The following CACNA1G variants were observed in gnomAD, a reference collection of about 807,000 sequenced individuals.
CACNA1G encodes calcium voltage-gated channel subunit alpha1 G.
In CACNA1G, 67 loss-of-function variants were observed where a neutral mutation model predicts 219.4. The ratio of observed to expected loss-of-function variants is 0.31; its 90% confidence interval spans 0.25 to 0.37. The LOEUF is 0.37. CACNA1G is among the 10% of genes least tolerant of loss of function. CACNA1G has a pLI of 1.00. For synonymous variants in CACNA1G, 1,296 were observed against 1,345.3 expected (o/e 0.96, Z 0.80); for missense variants, 2,380 against 3,231.4 (o/e 0.74, Z 6.39).
intron 26 of CACNA1G, among the ~76,000 whole-genome samples, chr17:50,611,784 G>A (rs1431054921): frequency 1.3e-5 from 2 of 152,126 alleles, no homozygotes; most frequent in African/African-American, 2.4e-5. Context: ...TCCACCTTGG[G>A]TGTTATCCCA....
At chr17:50,623,760 C>T (rs957773145) in intron 35 of CACNA1G, 147 bp from the exon 36 acceptor site, 41 of 766,332 alleles carry the variant, frequency 5.4e-5, no homozygotes, top group Non-Finnish European at 8.1e-5. Flanking sequence ...CCCAGCCATG[C>T]TCATGCCCAT....
In CACNA1G at chr17:50,626,932, C is replaced by G. The variant is rs537067312; in HGVS notation, c.*181C>G. ...TTCCAAAGAGAGTTAAAAGCAGCAG[C>G]CCCGGCAACTCTGGCTCCAGGCAGA... On this transcript the variant is annotated 3_prime_UTR_variant, in exon 38 of 38. Transcript: ENST00000359106. This position sits in a 1 kb window ranked among gnomAD's most constrained non-coding sequence, Gnocchi z 4.3. The G allele has an allele frequency of 2.4e-4, 195 of 805,632 alleles. 1 individual carries two copies. The highest frequency in any genetic ancestry group is 6.8e-4 in the Middle Eastern group (2 of 2,936). 49.9% of individuals were successfully genotyped at this position (805,632 alleles called of 1,614,324 possible).
chr17:50,577,559 A>G (rs2040969830), intron 8 of CACNA1G, among the ~76,000 whole-genome samples: 1 of 148,828 alleles, frequency 6.7e-6, no homozygotes, highest in African/African-American at 2.5e-5. Context: ...CATGTGCTTG[A>G]TGTGTGTAGG....
At position 50,627,418 on chromosome 17, in the gene CACNA1G, C is replaced by T. The variant is rs750631993; in HGVS notation, c.*667C>T. 2.3e-5 allele frequency: 8 copies of T among 355,236 alleles called. No homozygotes were observed. Among genetic ancestry groups the T allele is most frequent in the Admixed American group, 1.6e-4 (4 of 25,788 alleles). The allele number at this position is 355,236 out of a possible 1,614,324, so 22.0% of individuals were successfully genotyped here. On this transcript the variant is annotated 3_prime_UTR_variant, in exon 38 of 38. Coordinates refer to ENST00000359106, the MANE Select transcript of CACNA1G (RefSeq NM_018896.5). Reference sequence around the variant, plus strand: ...GAACCTTTTTATATATACATACATACATATCTATCTATCTATCTATATATA... The same window carrying T: ...GAACCTTTTTATATATACATACATATATATCTATCTATCTATCTATATATA...
chr17:50,571,972 C>T lies in CACNA1G; in HGVS notation c.681C>T (p.Ile227=), dbSNP rs779561120. The change falls in exon 5 of 38, where the codon ATC becomes ATT. Residue 227 remains isoleucine, a synonymous_variant. Coordinates refer to ENST00000359106, the MANE Select transcript of CACNA1G (RefSeq NM_018896.5). This position sits in a 1 kb window ranked among gnomAD's most constrained non-coding sequence, Gnocchi z 4.3. The part of the protein sequence containing the change: ...LCFFVFFIFG[I]VGVQLWAGLL... ...TCTTCGTCTTCTTCATCTTCGGCAT[C>T]GTCGGCGTCCAGCTGTGGGCAGGGC... is the stretch of plus-strand genomic sequence containing the variant. 151 of 1,613,848 alleles carry T rather than the reference C, an allele frequency of 9.4e-5. No homozygotes were observed. Among genetic ancestry groups the T allele is most frequent in the Non-Finnish European group, 1.2e-4 (140 of 1,179,858 alleles).
At position 50,571,526 on chromosome 17, in the gene CACNA1G, G is replaced by T. The variant is rs1449689108; in HGVS notation, c.587-352G>T. 6.6e-6 allele frequency among the ~76,000 whole-genome samples: 1 copy of T among 152,192 alleles called. No individual in the cohort carries two copies. The highest frequency in any genetic ancestry group is 1.5e-5 in the Non-Finnish European group (1 of 68,038). ...ACACTTAGCAGCTGTGTGATACTGG[G>T]TGAGTCAAGTCATTTCTCCAAGCCT... On this transcript the variant is annotated intron_variant, in intron 4 of 37. Coordinates refer to ENST00000359106, the MANE Select transcript of CACNA1G (RefSeq NM_018896.5). The surrounding 1 kb of genome is among the most constrained non-coding windows in gnomAD (Gnocchi z 4.3).
intron 1 of CACNA1G, among the ~76,000 whole-genome samples, chr17:50,567,958 T>C (rs2038372394): frequency 6.6e-6 from 1 of 152,064 alleles, no homozygotes; most frequent in South Asian, 2.1e-4. Context: ...GGCAATGGCC[T>C]CTTGGGGGAG....
chr17:50,601,463 G>A (rs1425215727), intron 19 of CACNA1G, among the ~76,000 whole-genome samples: 1 of 152,214 alleles, frequency 6.6e-6, no homozygotes, highest in African/African-American at 2.4e-5. Context: ...CGTGAGTCGG[G>A]GAGTGCTGGG....
chr17:50,570,572 T>A (rs991813261), intron 4 of CACNA1G, among the ~76,000 whole-genome samples: 1 of 151,310 alleles, frequency 6.6e-6, no homozygotes, highest in Non-Finnish European at 1.5e-5. Context: ...TGTGTGTGTG[T>A]GTGTGTGTGT....
At chr17:50,606,278 C>T in intron 23 of CACNA1G, 1 of 713,326 alleles carries the variant, frequency 1.4e-6, no homozygotes, top group Non-Finnish European at 2.6e-6. Context: ...AAGGGGCTTG[C>T]CCAGGGCCAC....
At position 50,561,255 on chromosome 17, in the gene CACNA1G, T is replaced by G; in HGVS notation, c.-205T>G. On this transcript the variant is annotated 5_prime_UTR_variant, in exon 1 of 38. Transcript: ENST00000359106. ...AAGCGGGACTCGCGCCGGGCGGGGT[T>G]TCCCTGCGCCCCGGCGCCCCGCGGG... 1 of 562,906 alleles carries G rather than the reference T, an allele frequency of 1.8e-6. No individual in the cohort carries two copies. The highest frequency in any genetic ancestry group is 3.3e-5 in the East Asian group (1 of 30,132). The allele number at this position is 562,906 out of a possible 1,614,324, so 34.9% of individuals were successfully genotyped here.
intron 25 of CACNA1G, among the ~76,000 whole-genome samples, chr17:50,609,179 G>T (rs558120114): frequency 6.6e-6 from 1 of 152,064 alleles, no homozygotes; most frequent in Non-Finnish European, 1.5e-5. Context: ...TATCTCCCTC[G>T]GCCTGGGAGT....
rs183551632 is a variant in CACNA1G at position 50,606,157 on chromosome 17, C to T, written c.4422+134C>T. On this transcript the variant is annotated intron_variant, in intron 23 of 37. Coordinates refer to ENST00000359106, the MANE Select transcript of CACNA1G (RefSeq NM_018896.5). ...ATCAGCCCTTCACACCCTCTGCTGTCTAACCACCAGCATGTCGCAAAGCCC... is the reference window on the plus strand; with the variant it reads ...ATCAGCCCTTCACACCCTCTGCTGTTTAACCACCAGCATGTCGCAAAGCCC... 73 of 1,263,636 alleles carry T rather than the reference C, an allele frequency of 5.8e-5. No individual in the cohort carries two copies. Among genetic ancestry groups the T allele is most frequent in the Middle Eastern group, 5.5e-4 (3 of 5,412 alleles). 78.3% of individuals were successfully genotyped at this position (1,263,636 alleles called of 1,614,324 possible). A position where few individuals can be genotyped will look rare whatever the true frequency, so the allele number is the denominator to read the frequency against.
chr17:50,589,912 C>CTCTCTCTCTGTGTGTG (rs1326523232), intron 9 of CACNA1G, among the ~76,000 whole-genome samples: 17 of 141,922 alleles, frequency 1.2e-4, no homozygotes, highest in African/African-American at 4.5e-4. Flanking sequence ...CTCTCTCTCT[C>CTCTCTCTCTGTGTGTG]TGTGTGTGTG....
intron 26 of CACNA1G, among the ~76,000 whole-genome samples, chr17:50,613,008 G>C (rs2049570264): frequency 6.6e-6 from 1 of 152,240 alleles, no homozygotes; most frequent in African/African-American, 2.4e-5. Flanking sequence ...GGTCCAGAGA[G>C]CAGCAAAGGA....
chr17:50,565,900 G>A (rs1158866478), intron 1 of CACNA1G, among the ~76,000 whole-genome samples: 1 of 152,140 alleles, frequency 6.6e-6, no homozygotes, highest in African/African-American at 2.4e-5. Flanking sequence ...TTGATGGTGG[G>A]TTGTGGGGAG....
At chr17:50,594,942 C>A in intron 13 of CACNA1G, 51 bp from the exon 14 acceptor site, 1 of 1,420,630 alleles carries the variant, frequency 7.0e-7, no homozygotes, top group Non-Finnish European at 9.7e-7. Context: ...ATCTGAAGGC[C>A]CCGAGCGCCT....
At position 50,597,069 on chromosome 17, in the gene CACNA1G, G is replaced by T. The variant is rs551540782; in HGVS notation, c.3258+146G>T. ...TGGGTGTGCCTGGACAAGCCCCTGG[G>T]GAATCTGCGCCGGTGATGCAAACCA... On this transcript the variant is annotated intron_variant, in intron 16 of 37. Transcript: ENST00000359106. 2.7e-5 allele frequency: 22 copies of T among 813,954 alleles called. No homozygotes were observed. In the African/African-American group the frequency reaches 3.6e-4, roughly 13 times the overall value. The allele number at this position is 813,954 out of a possible 1,614,324, so 50.4% of individuals were successfully genotyped here.
intron 14 of CACNA1G, among the ~76,000 whole-genome samples, chr17:50,595,384 G>A (rs1371406137): frequency 6.6e-6 from 1 of 152,218 alleles, no homozygotes; most frequent in Non-Finnish European, 1.5e-5. Context: ...CCGTGTGTGC[G>A]TGCCTGTGCT....
Sources: gnomAD v4.1 joint callset for allele counts (sites outside exome capture counted in the v4.1 genomes callset) on GRCh38, gnomAD v4.1.1 for gene constraint, Gnocchi (gnomAD v3.1) non-coding constraint, MANE v1.5 for transcripts, NCBI Gene and HGNC (gene_info 2026-07-23, HGNC 2026-07-21) for gene names.